FBLN5: variants seen among roughly 807,000 people sequenced by gnomAD.
FBLN5 encodes the protein fibulin-5.
In FBLN5, 24 loss-of-function variants were observed where a neutral mutation model predicts 61.6. The observed-to-expected ratio is 0.39, with a 90% CI of 0.28 to 0.55. The LOEUF (loss-of-function observed/expected upper bound fraction) is 0.55, where lower values mean the gene tolerates loss of function less well. FBLN5 is among the 20% of genes least tolerant of loss of function. The pLI is 0.65. For synonymous variants in FBLN5, 213 were observed against 219.8 expected (o/e 0.97, Z 0.27); for missense variants, 470 against 594.1 (o/e 0.79, Z 2.17).
At chr14:91,942,792 C>G in intron 2 of FBLN5, 115 bp downstream of exon 2, 1 of 715,520 alleles carries the variant, frequency 1.4e-6, no homozygotes. Flanking sequence ...CAGATGAGGT[C>G]AACTGTAAAG....
chr14:91,919,960 A>G (rs2055705947), intron 4 of FBLN5, among the ~76,000 whole-genome samples: 1 of 152,148 alleles, frequency 6.6e-6, no homozygotes, highest in African/African-American at 2.4e-5. Context: ...CCAAGCTTCC[A>G]GAGGGAAGTA....
intron 4 of FBLN5, among the ~76,000 whole-genome samples, chr14:91,915,888 C>A (rs1891179534): frequency 6.6e-6 from 1 of 151,980 alleles, no homozygotes; most frequent in Non-Finnish European, 1.5e-5. Flanking sequence ...GGAACAATAT[C>A]TCACTCTATC....
intron 4 of FBLN5, among the ~76,000 whole-genome samples, chr14:91,911,174 G>A (rs1890914288): frequency 6.6e-6 from 1 of 152,046 alleles, no homozygotes; most frequent in East Asian, 1.9e-4. Context: ...AGTAGAGACG[G>A]GCTTTTCACC....
chr14:91,932,659 C>G (rs1477911522), intron 4 of FBLN5, among the ~76,000 whole-genome samples: 4 of 152,116 alleles, frequency 2.6e-5, no homozygotes, highest in African/African-American at 9.7e-5. Context: ...AAAATTTAAC[C>G]TGAATTGGAT....
At chr14:91,940,671 T>C in intron 2 of FBLN5, 55 bp from the exon 3 acceptor site, 1 of 1,489,908 alleles carries the variant, frequency 6.7e-7, no homozygotes, top group Middle Eastern at 1.7e-4. Context: ...CATAAAAGTC[T>C]TATTGCTGCA....
intron 2 of FBLN5, among the ~76,000 whole-genome samples, chr14:91,942,522 AT>A (rs1170391373): frequency 3.9e-5 from 6 of 152,384 alleles, no homozygotes; most frequent in Non-Finnish European, 1.5e-5. Flanking sequence ...ATGTGATCTG[AT>A]TAAAAATGGA....
At chr14:91,940,183 G>T (rs2056084327) in intron 3 of FBLN5, among the ~76,000 whole-genome samples, 1 of 152,124 alleles carries the variant, frequency 6.6e-6, no homozygotes, top group South Asian at 2.1e-4. Context: ...CTCCAGAAGA[G>T]CACACAGCCC....
At position 91,944,731 on chromosome 14, in the gene FBLN5, C is replaced by T. The variant is rs915870596; in HGVS notation, c.18-1770G>A. Among the ~76,000 whole-genome samples the T allele has an allele frequency of 1.8e-4, 27 of 152,234 alleles. 1 individual carries two copies. Among genetic ancestry groups the T allele is most frequent in the Admixed American group, 8.5e-4 (13 of 15,294 alleles). On this transcript the variant is annotated intron_variant, in intron 1 of 10. Transcript: ENST00000342058. ...CAAAGTCTGCATGGGTCCATTTATACGAGGCACCTAGTGTAGTCGAAATTA... is the reference window on the plus strand; with the variant it reads ...CAAAGTCTGCATGGGTCCATTTATATGAGGCACCTAGTGTAGTCGAAATTA...
chr14:91,914,444 C>T (rs945172720), intron 4 of FBLN5, among the ~76,000 whole-genome samples: 3 of 142,970 alleles, frequency 2.1e-5, no homozygotes, highest in Non-Finnish European at 3.0e-5. Context: ...TGCCACTGCA[C>T]TCCAGCCTGG....
intron 7 of FBLN5, among the ~76,000 whole-genome samples, chr14:91,885,911 C>T (rs1889706503): frequency 6.6e-6 from 1 of 152,198 alleles, no homozygotes; most frequent in Admixed American, 6.5e-5. Flanking sequence ...GCTTTTCATG[C>T]CTGAGGGTAT....
intron 4 of FBLN5, among the ~76,000 whole-genome samples, chr14:91,910,582 T>A (rs968104343): frequency 2.6e-5 from 4 of 152,208 alleles, no homozygotes; most frequent in African/African-American, 9.7e-5. Context: ...ATTGATTGCA[T>A]TCTAAGTTCT....
At chr14:91,889,171 C>G (rs1038261902) in intron 6 of FBLN5, among the ~76,000 whole-genome samples, 1 of 152,178 alleles carries the variant, frequency 6.6e-6, no homozygotes, top group Admixed American at 6.5e-5. Flanking sequence ...GTTTCCCCAC[C>G]GGGGACAGGA....
intron 4 of FBLN5, among the ~76,000 whole-genome samples, chr14:91,895,284 A>G (rs999654476): frequency 5.3e-5 from 8 of 152,124 alleles, no homozygotes; most frequent in Non-Finnish European, 1.0e-4. Flanking sequence ...GAAATCCACA[A>G]AGGGAAATGG....
At position 91,908,066 on chromosome 14, in the gene FBLN5, T is replaced by C. The variant is rs993319081; in HGVS notation, c.380-12994A>G. ...AGTCTGCTCATAAGTGCCTGATCAA[T>C]TGGGTTCTTAATAAATGCTTTTCCA... On this transcript the variant is annotated intron_variant, in intron 4 of 10. Transcript: ENST00000342058. Among the ~76,000 whole-genome samples the C allele has an allele frequency of 4.6e-5, 7 of 152,134 alleles. No homozygotes were observed. In the South Asian group the frequency reaches 6.2e-4, roughly 14 times the overall value.
intron 10 of FBLN5, among the ~76,000 whole-genome samples, chr14:91,875,439 A>G (rs570864498): frequency 2.0e-4 from 30 of 152,296 alleles, no homozygotes; most frequent in African/African-American, 7.2e-4. Context: ...TAGCCCCAGA[A>G]TTAGGGGCTG....
In FBLN5 at chr14:91,916,248, C is replaced by A. The variant is rs188329591; in HGVS notation, c.379+20699G>T. ...ATCACTTGAGGCCAGGAGTTTGAGA[C>A]CAGCCTGGCCAACATGGTGAAACCC... is the stretch of plus-strand genomic sequence containing the variant. On this transcript the variant is annotated intron_variant, in intron 4 of 10. Transcript: ENST00000342058. 1.7e-4 allele frequency among the ~76,000 whole-genome samples: 26 copies of A among 152,240 alleles called. No homozygotes were observed. In the East Asian group the frequency reaches 4.8e-3, roughly 28 times the overall value.
chr14:91,918,539 G>A (rs955763282), intron 4 of FBLN5, among the ~76,000 whole-genome samples: 2 of 152,200 alleles, frequency 1.3e-5, no homozygotes, highest in Admixed American at 6.5e-5. Context: ...AGAATGCTGA[G>A]CACCCAGTTT....
Position 91,947,078 on chromosome 14 carries a change from A to G in FBLN5, c.17+135T>C. 1 of 1,539,582 alleles carries G rather than the reference A, an allele frequency of 6.5e-7. No homozygotes were observed. Among genetic ancestry groups the G allele is most frequent in the Non-Finnish European group, 8.8e-7 (1 of 1,133,084 alleles). On this transcript the variant is annotated intron_variant, in intron 1 of 10. Coordinates refer to ENST00000342058, the MANE Select transcript of FBLN5 (RefSeq NM_006329.4). The surrounding 1 kb of genome is among the most constrained non-coding windows in gnomAD (Gnocchi z 4.3). ...GCAGCTTTTTATAATTAACAATATC[A>G]TTGCATCACTAGCTCATGCCTTTTC...
chr14:91,928,367 A>G (rs1489159733), intron 4 of FBLN5, among the ~76,000 whole-genome samples: 1 of 152,258 alleles, frequency 6.6e-6, no homozygotes, highest in Admixed American at 6.5e-5. Flanking sequence ...GCAGACTGCT[A>G]AAGCCCATGT....
Sources: allele counts gnomAD v4.1 joint callset (sites outside exome capture counted in the v4.1 genomes callset), GRCh38; gene constraint gnomAD v4.1.1; non-coding constraint Gnocchi (gnomAD v3.1); transcripts MANE v1.5; gene names NCBI Gene and HGNC (gene_info 2026-07-23, HGNC 2026-07-21).